Variants in SAMD3 observed in about 807,000 individuals in gnomAD.
The protein encoded by SAMD3 is sterile alpha motif domain-containing protein 3.
In SAMD3, 63 loss-of-function variants were observed where a neutral mutation model predicts 58.5. That is an observed-to-expected ratio of 1.08 (90% confidence interval 0.88 to 1.33). The LOEUF is 1.33. Ranked by LOEUF, SAMD3 falls within the 40% of genes most tolerant of loss-of-function variation. The pLI is 0.00. For synonymous variants in SAMD3, 220 were observed against 210.3 expected (o/e 1.05, Z -0.40); for missense variants, 604 against 608.4 (o/e 0.99, Z 0.08).
rs781453949 is a variant in SAMD3, at chr6:130,214,312, T to A, written c.269+25A>T. On this transcript the variant is annotated intron_variant, in intron 4 of 11. Transcript: ENST00000439090. ...ATTGGGAAAGCTTGGGAAAAAAAAATAAGGCCATTTATGAACATACTCACT... is the reference window on the plus strand; with the variant it reads ...ATTGGGAAAGCTTGGGAAAAAAAAAAAAGGCCATTTATGAACATACTCACT... The A allele has an allele frequency of 1.7e-5, 25 of 1,503,432 alleles. 2 individuals carry two copies. The South Asian group carries it at 3.2e-4, about 19-fold the overall frequency. 93.1% of individuals were successfully genotyped at this position (1,503,432 alleles called of 1,614,324 possible). A position where few individuals can be genotyped will look rare whatever the true frequency, so the allele number is the denominator to read the frequency against.
In SAMD3 at chr6:130,144,824, C is replaced by T. The variant is rs775701897; in HGVS notation, c.1279-20G>A. The T allele has an allele frequency of 2.5e-6, 4 of 1,595,610 alleles. No homozygotes were observed. The South Asian group carries it at 3.4e-5, about 14-fold the overall frequency. ...TTGCACCTGAAAAAAAGAGTGGAGT[C>T]ATTACCATGATACGTAAAATAGCTA... On this transcript the variant is annotated intron_variant, in intron 11 of 11. Coordinates refer to ENST00000439090, the MANE Select transcript of SAMD3 (RefSeq NM_001017373.4).
chr6:130,179,048 TTC>T (rs1792017500), intron 7 of SAMD3, among the ~76,000 whole-genome samples: 1 of 152,208 alleles, frequency 6.6e-6, no homozygotes, highest in African/African-American at 2.4e-5. Context: ...TTCCATATGT[TTC>T]CTGTAGCTCT....
intron 1 of SAMD3, among the ~76,000 whole-genome samples, chr6:130,319,875 C>T (rs1270878426): frequency 6.6e-6 from 1 of 151,830 alleles, no homozygotes; most frequent in South Asian, 2.1e-4. Context: ...AAAAAATACC[C>T]AGAAGGGGAA....
intron 5 of SAMD3, among the ~76,000 whole-genome samples, chr6:130,198,021 AC>A (rs1794301408): frequency 6.6e-6 from 1 of 151,938 alleles, no homozygotes; most frequent in Non-Finnish European, 1.5e-5. Flanking sequence ...CCCACTGAGT[AC>A]CTTGTGACCC....
intron 2 of SAMD3, among the ~76,000 whole-genome samples, chr6:130,303,424 C>A (rs1775816895): frequency 6.6e-6 from 1 of 152,172 alleles, no homozygotes; most frequent in African/African-American, 2.4e-5. Flanking sequence ...ACTTAATAGG[C>A]AACTTAAACT....
chr6:130,242,412 C>G (rs377339712), intron 2 of SAMD3, among the ~76,000 whole-genome samples: 83 of 152,222 alleles, frequency 5.5e-4, no homozygotes, highest in African/African-American at 1.9e-3. Flanking sequence ...TTTGCCAATC[C>G]CTAAATTATA....
intron 1 of SAMD3, among the ~76,000 whole-genome samples, chr6:130,337,367 T>C (rs749293486): frequency 1.8e-4 from 28 of 152,174 alleles, no homozygotes; most frequent in Non-Finnish European, 3.7e-4. Context: ...TGCAGAACTG[T>C]CAGTCAATAA....
At chr6:130,175,257 T>A (rs902112815) in intron 8 of SAMD3, among the ~76,000 whole-genome samples, 2 of 152,128 alleles carry the variant, frequency 1.3e-5, no homozygotes, top group African/African-American at 4.8e-5. Flanking sequence ...ATATATAGGA[T>A]CTCAGACAAT....
intron 2 of SAMD3, among the ~76,000 whole-genome samples, chr6:130,292,346 G>A (rs894491430): frequency 3.3e-5 from 5 of 149,850 alleles, no homozygotes; most frequent in African/African-American, 1.2e-4. Flanking sequence ...GAGTTCAGTG[G>A]CGCAATCTCA....
At chr6:130,348,593 C>T (rs1285910019) in intron 1 of SAMD3, among the ~76,000 whole-genome samples, 9 of 152,020 alleles carry the variant, frequency 5.9e-5, no homozygotes, top group Admixed American at 3.3e-4. Flanking sequence ...CCTTAGAGAC[C>T]TACAAAGAGA....
chr6:130,310,513 A>G (rs1246162983), intron 2 of SAMD3, among the ~76,000 whole-genome samples: 2 of 152,244 alleles, frequency 1.3e-5, no homozygotes, highest in African/African-American at 2.4e-5. Flanking sequence ...ATACCACATT[A>G]TAACAAAATT....
intron 2 of SAMD3, among the ~76,000 whole-genome samples, chr6:130,231,619 G>T (rs1796552790): frequency 6.6e-6 from 1 of 152,040 alleles, no homozygotes; most frequent in Non-Finnish European, 1.5e-5. Flanking sequence ...TCAATTTGCA[G>T]AAGTATAAAT....
chr6:130,331,893 T>A (rs1776945820), intron 1 of SAMD3, among the ~76,000 whole-genome samples: 1 of 152,216 alleles, frequency 6.6e-6, no homozygotes, highest in South Asian at 2.1e-4. Context: ...TTTCACACAA[T>A]ACCTGGACAT....
intron 1 of SAMD3, among the ~76,000 whole-genome samples, chr6:130,337,889 C>T (rs9492551): frequency 0.46 from 70,009 of 152,112 alleles, 19,032 homozygotes; most frequent in African/African-American, 0.76. Flanking sequence ...AGCTTGACCA[C>T]GTGGTAGAAA....
intron 11 of SAMD3, among the ~76,000 whole-genome samples, chr6:130,145,139 A>ATAT (rs1788500784): frequency 1.3e-5 from 2 of 152,242 alleles, no homozygotes; most frequent in South Asian, 4.1e-4. Context: ...CATGCCTATA[A>ATAT]TCCCAGCTAC....
intron 9 of SAMD3, among the ~76,000 whole-genome samples, chr6:130,152,325 C>G (rs1258533581): frequency 6.6e-6 from 1 of 152,118 alleles, no homozygotes. Context: ...TCCCAGCTGC[C>G]TAGGGCTGAG....
chr6:130,307,708 A>G (rs1775954225), intron 2 of SAMD3, among the ~76,000 whole-genome samples: 2 of 152,372 alleles, frequency 1.3e-5, no homozygotes, highest in South Asian at 4.1e-4. Flanking sequence ...GGTTATGTCC[A>G]CAAGTTAGAA....
At chr6:130,184,973 A>G (rs868345289) in intron 5 of SAMD3, among the ~76,000 whole-genome samples, 1 of 152,258 alleles carries the variant, frequency 6.6e-6, no homozygotes, top group South Asian at 2.1e-4. Context: ...AAGAAAATAC[A>G]TTGCAATTCA....
intron 5 of SAMD3, among the ~76,000 whole-genome samples, chr6:130,189,547 C>T (rs182482134): frequency 8.5e-4 from 129 of 152,304 alleles, no homozygotes; most frequent in African/African-American, 3.0e-3. Flanking sequence ...GCAACTCAAG[C>T]TTAACATCGT....
Sources: gnomAD v4.1 joint callset for allele counts (sites outside exome capture counted in the v4.1 genomes callset) on GRCh38, gnomAD v4.1.1 for gene constraint, MANE v1.5 for transcripts, NCBI Gene and HGNC (gene_info 2026-07-23, HGNC 2026-07-21) for gene names.